The following PUM3 variants were observed in gnomAD, a reference collection of about 807,000 sequenced individuals.
PUM3 encodes pumilio RNA binding family member 3, also known as pumilio homolog 3.
A neutral mutation model predicts 84.0 loss-of-function variants in PUM3; 91 were observed. The ratio of observed to expected loss-of-function variants is 1.08; its 90% CI spans 0.91 to 1.29. PUM3 has a LOEUF of 1.29. Among genes scored for constraint, PUM3 ranks in the 50% most tolerant of loss-of-function variants. PUM3 has a pLI of 0.00. For synonymous variants in PUM3, 321 were observed against 266.7 expected (o/e 1.20, Z -1.98); for missense variants, 1,067 against 767.5 (o/e 1.39, Z -4.61).
At chr9:2,838,056 T>C (rs1198695674) in intron 2 of PUM3, among the ~76,000 whole-genome samples, 3 of 152,170 alleles carry the variant, frequency 2.0e-5, no homozygotes, top group Admixed American at 1.3e-4. Flanking sequence ...CCTGATGGAA[T>C]AATAAAGACA....
At chr9:2,834,220 A>C in intron 3 of PUM3, 54 bp from the exon 4 acceptor site, 1 of 1,498,124 alleles carries the variant, frequency 6.7e-7, no homozygotes, top group Non-Finnish European at 9.1e-7. Flanking sequence ...AGTGTCATAC[A>C]CCAATACAAA....
chr9:2,820,638 T>G (rs1821570486), intron 12 of PUM3, among the ~76,000 whole-genome samples: 1 of 152,182 alleles, frequency 6.6e-6, no homozygotes, highest in African/African-American at 2.4e-5. Context: ...TTTTTAATTT[T>G]CTTTTCTATA....
intron 12 of PUM3, among the ~76,000 whole-genome samples, chr9:2,822,562 TTTA>T (rs1354858273): frequency 4.6e-5 from 7 of 151,608 alleles, no homozygotes; most frequent in African/African-American, 1.7e-4. Flanking sequence ...ACAATATAAT[TTTA>T]TTATTTTAAA....
intron 10 of PUM3, 66 bp downstream of exon 10, chr9:2,827,007 G>T: frequency 7.7e-7 from 1 of 1,298,916 alleles, no homozygotes; most frequent in Non-Finnish European, 1.1e-6. Context: ...CATCAAAGCA[G>T]TTTTTCAAAT....
intron 13 of PUM3, among the ~76,000 whole-genome samples, chr9:2,819,501 T>G (rs141009067): frequency 6.6e-6 from 1 of 152,218 alleles, no homozygotes; most frequent in Non-Finnish European, 1.5e-5. Flanking sequence ...GCATCACAAC[T>G]GAGTGAGTTT....
rs1452090072 is a variant in PUM3, at chr9:2,807,865, T to G, written c.1763A>C (p.Lys588Thr). ...TACACTAGCCCAGGACTTCAGGTTC[T>G]TCATACCAACATGCTCTACAAGTGT... is the stretch of plus-strand genomic sequence containing the variant. Reference protein sequence around the residue: ...AKTLVEHVGMKNLKSWASVNR... With the variant: ...AKTLVEHVGMTNLKSWASVNR... The change falls in exon 17 of 18, where the codon AAG becomes ACG. Residue 588 changes from lysine (K) to threonine (T), a missense_variant. Lys to Thr is a moderately conservative substitution (Grantham distance 78). Coordinates refer to ENST00000397885, the MANE Select transcript of PUM3 (RefSeq NM_014878.5). The G allele has an allele frequency of 6.2e-7, 1 of 1,613,692 alleles. No individual in the cohort carries two copies. Among genetic ancestry groups the G allele is most frequent in the Non-Finnish European group, 8.5e-7 (1 of 1,179,824 alleles).
chr9:2,838,189 C>T (rs1006889998), intron 2 of PUM3, among the ~76,000 whole-genome samples: 3 of 152,144 alleles, frequency 2.0e-5, no homozygotes, highest in Non-Finnish European at 4.4e-5. Context: ...AATGAGGCAA[C>T]AGCAGCAACA....
chr9:2,833,956 C>A, intron 4 of PUM3, 75 bp downstream of exon 4: 1 of 1,455,698 alleles, frequency 6.9e-7, no homozygotes. Flanking sequence ...TTTAGGACAT[C>A]TCACTATTTA....
chr9:2,831,139 G>A (rs1002980440), intron 6 of PUM3, 111 bp from the exon 7 acceptor site: 8 of 988,918 alleles, frequency 8.1e-6, no homozygotes, highest in Non-Finnish European at 1.2e-5. Context: ...AAAAGGATCT[G>A]GAGAAGACAA....
At chr9:2,829,187 G>A (rs1815906167) in intron 8 of PUM3, among the ~76,000 whole-genome samples, 1 of 152,212 alleles carries the variant, frequency 6.6e-6, no homozygotes, top group Non-Finnish European at 1.5e-5. Context: ...GGCTAATGGA[G>A]GCAACCCGGG....
intron 1 of PUM3, among the ~76,000 whole-genome samples, chr9:2,842,373 A>G (rs1193894740): frequency 6.6e-6 from 1 of 152,076 alleles, no homozygotes; most frequent in Non-Finnish European, 1.5e-5. Context: ...AAGCTTTCCC[A>G]CTGCCTTCAG....
At chr9:2,809,525 G>A (rs910926966) in intron 16 of PUM3, among the ~76,000 whole-genome samples, 1 of 152,150 alleles carries the variant, frequency 6.6e-6, no homozygotes, top group African/African-American at 2.4e-5. Context: ...AGAAGTGACA[G>A]CTCTACTGCT....
chr9:2,829,633 G>A, intron 8 of PUM3, 141 bp downstream of exon 8: 1 of 684,946 alleles, frequency 1.5e-6, no homozygotes, highest in Non-Finnish European at 2.4e-6. Flanking sequence ...TAAAGCATGA[G>A]GGAAAATCAA....
At chr9:2,831,396 T>C (rs1258809623) in intron 5 of PUM3, 52 bp from the exon 6 acceptor site, 10 of 1,162,838 alleles carry the variant, frequency 8.6e-6, no homozygotes, top group Non-Finnish European at 1.3e-5. Context: ...CTTATGTTTC[T>C]CACTAATTTA....
intron 11 of PUM3, among the ~76,000 whole-genome samples, chr9:2,824,289 T>A (rs1815747402): frequency 6.6e-6 from 1 of 152,150 alleles, no homozygotes; most frequent in South Asian, 2.1e-4. Context: ...CTGTTAAACT[T>A]CTGTGATTAA....
intron 16 of PUM3, among the ~76,000 whole-genome samples, chr9:2,808,986 G>C (rs774151361): frequency 6.6e-5 from 10 of 152,196 alleles, no homozygotes; most frequent in Non-Finnish European, 1.0e-4. Context: ...AGCCCAAGCA[G>C]CCTAGAAAGG....
chr9:2,837,439 G>A (rs773468100), intron 2 of PUM3, 38 bp from the exon 3 acceptor site: 5 of 1,367,024 alleles, frequency 3.7e-6, no homozygotes, highest in Non-Finnish European at 5.1e-6. Context: ...ATGATTCTGG[G>A]CCCAAATCTC....
intron 1 of PUM3, among the ~76,000 whole-genome samples, chr9:2,841,067 A>T (rs75648934): frequency 0.018 from 2,814 of 152,286 alleles, 54 homozygotes; most frequent in Non-Finnish European, 0.031. Flanking sequence ...CAAGCACCAC[A>T]TATTTTCCTC....
At chr9:2,838,632 C>T in intron 1 of PUM3, 115 bp from the exon 2 acceptor site, 1 of 659,396 alleles carries the variant, frequency 1.5e-6, no homozygotes, top group Non-Finnish European at 2.7e-6. Context: ...CAATACAAAT[C>T]AGCCAGATAT....
Sources: gnomAD v4.1 joint callset for allele counts (sites outside exome capture counted in the v4.1 genomes callset) on GRCh38, gnomAD v4.1.1 for gene constraint, MANE v1.5 for transcripts, NCBI Gene and HGNC (gene_info 2026-07-23, HGNC 2026-07-21) for gene names.